The following NKAIN3 variants were observed in gnomAD, a reference collection of about 807,000 sequenced individuals.
NKAIN3 encodes sodium/potassium transporting ATPase interacting 3, also known as sodium/potassium-transporting ATPase subunit beta-1-interacting protein 3.
NKAIN3 carries 25 observed loss-of-function variants against 30.2 expected under a neutral mutation model. The ratio of observed to expected loss-of-function variants is 0.83; its 90% CI spans 0.60 to 1.16. The LOEUF (loss-of-function observed/expected upper bound fraction) is 1.16, where lower values mean the gene tolerates loss of function less well. Among genes scored for constraint, NKAIN3 ranks in the 50% most tolerant of loss-of-function variants. The pLI, the probability that NKAIN3 is intolerant of heterozygous loss-of-function variation, is 0.00. For synonymous variants in NKAIN3, 91 were observed against 89.6 expected (o/e 1.02, Z -0.09); for missense variants, 225 against 254.1 (o/e 0.89, Z 0.78).
downstream of NKAIN3, among the ~76,000 whole-genome samples, chr8:62,988,378 G>C (rs1300806165): frequency 2.6e-5 from 4 of 152,246 alleles, no homozygotes; most frequent in South Asian, 6.2e-4. Context: ...CCCTAGCAGA[G>C]GGTCTCCATG....
At chr8:62,424,031 G>A (rs1173956469) in intron 1 of NKAIN3, among the ~76,000 whole-genome samples, 2 of 151,892 alleles carry the variant, frequency 1.3e-5, no homozygotes, top group African/African-American at 4.8e-5. Context: ...TGAAGCAAAA[G>A]ATTCTTCACC....
chr8:62,685,939 C>T (rs961634937), intron 3 of NKAIN3, among the ~76,000 whole-genome samples: 1 of 152,134 alleles, frequency 6.6e-6, no homozygotes, highest in Non-Finnish European at 1.5e-5. Context: ...ATATCTGTAT[C>T]CATAAAGTTT....
intron 4 of NKAIN3, among the ~76,000 whole-genome samples, chr8:62,778,525 C>T (rs539648982): frequency 1.3e-5 from 2 of 152,212 alleles, no homozygotes; most frequent in South Asian, 4.1e-4. Flanking sequence ...CTGGCTACTG[C>T]CAATGTTCAC....
chr8:62,924,431 A>G (rs571510236), intron 5 of NKAIN3, among the ~76,000 whole-genome samples: 31 of 123,358 alleles, frequency 2.5e-4, no homozygotes, highest in African/African-American at 9.6e-4. Flanking sequence ...CATAAAGGGA[A>G]CCCTACACTA....
rs188087049 is a variant in NKAIN3, at chr8:62,967,792, C to T, written c.*2385C>T. 6.6e-6 allele frequency among the ~76,000 whole-genome samples: 1 copy of T among 152,266 alleles called. No homozygotes were observed. Among genetic ancestry groups the T allele is most frequent in the East Asian group, 1.9e-4 (1 of 5,176 alleles). On this transcript the variant is annotated 3_prime_UTR_variant, in exon 7 of 7. Transcript: ENST00000623646. The stretch of plus-strand genomic sequence containing the variant: ...AAACTGTCACTTAATTACCCCCACA[C>T]ATACACATGCAAATAAAATGTGGTT...
intron 3 of NKAIN3, among the ~76,000 whole-genome samples, chr8:62,717,867 A>G (rs1429351926): frequency 5.9e-5 from 9 of 152,200 alleles, no homozygotes; most frequent in East Asian, 1.9e-4. Context: ...GTCCTTAACC[A>G]TAGGTAAATC....
intron 1 of NKAIN3, among the ~76,000 whole-genome samples, chr8:62,306,850 G>A (rs544210641): frequency 6.7e-6 from 1 of 149,434 alleles, no homozygotes; most frequent in South Asian, 2.1e-4. Flanking sequence ...TTCTGATCTC[G>A]GTGCTCACCA....
At chr8:62,541,176 G>A (rs1172203816) in intron 1 of NKAIN3, among the ~76,000 whole-genome samples, 2 of 151,992 alleles carry the variant, frequency 1.3e-5, no homozygotes, top group Non-Finnish European at 2.9e-5. Context: ...AAATAGCCAG[G>A]TGTGGTGGCA....
chr8:62,840,058 C>A (rs1819485510), intron 4 of NKAIN3, among the ~76,000 whole-genome samples: 1 of 152,090 alleles, frequency 6.6e-6, no homozygotes, highest in African/African-American at 2.4e-5. Flanking sequence ...TACATCCCCT[C>A]CAAAGCACTG....
At chr8:62,422,936 G>C (rs1563392092) in intron 1 of NKAIN3, among the ~76,000 whole-genome samples, 1 of 152,050 alleles carries the variant, frequency 6.6e-6, no homozygotes, top group African/African-American at 2.4e-5. Context: ...CACCAAATAA[G>C]TTTGTCACTT....
rs73256928 is a variant in NKAIN3, at chr8:62,782,738, G to A, written c.471+35609G>A. 9.8e-3 allele frequency among the ~76,000 whole-genome samples: 1,471 copies of A among 149,478 alleles called. 20 individuals are homozygous for A. The highest frequency in any genetic ancestry group is 0.031 in the South Asian group (145 of 4,626). ...CTAAAAATAAATAAATAAATAACTT[G>A]GTCACATGGACACAGAGAATAGAAT... On this transcript the variant is annotated intron_variant, in intron 4 of 6. Transcript: ENST00000623646.
chr8:62,541,531 TC>T (rs1808840710), intron 1 of NKAIN3, among the ~76,000 whole-genome samples: 1 of 152,064 alleles, frequency 6.6e-6, no homozygotes, highest in Non-Finnish European at 1.5e-5. Context: ...AGGAGAAGGG[TC>T]TTTTATCTGA....
At chr8:62,753,062 T>C (rs1404297176) in intron 4 of NKAIN3, among the ~76,000 whole-genome samples, 1 of 152,140 alleles carries the variant, frequency 6.6e-6, no homozygotes, top group Non-Finnish European at 1.5e-5. Flanking sequence ...ACTACCTTAG[T>C]TGCTTTGCTT....
At chr8:62,401,896 AGGT>A (rs1160666039) in intron 1 of NKAIN3, among the ~76,000 whole-genome samples, 6 of 152,208 alleles carry the variant, frequency 3.9e-5, no homozygotes, top group Non-Finnish European at 7.3e-5. Context: ...GTCTCACCCA[AGGT>A]CCACGATAAC....
rs112726036 is a variant in NKAIN3 at position 62,288,996 on chromosome 8, T to C, written c.54+39869T>C. Among the ~76,000 whole-genome samples the C allele has an allele frequency of 9.1e-3, 1,389 of 152,376 alleles. 29 individuals carry two copies. The highest frequency in any genetic ancestry group is 0.031 in the African/African-American group (1,308 of 41,592). Reference sequence around the variant, plus strand: ...TTTGCACTTCTCTGATGGCCAGTGATGATGAGCATTTTTTTATGTATCTGT... The same window carrying C: ...TTTGCACTTCTCTGATGGCCAGTGACGATGAGCATTTTTTTATGTATCTGT... On this transcript the variant is annotated intron_variant, in intron 1 of 6. Transcript: ENST00000623646.
In NKAIN3 at chr8:62,968,989, T is replaced by C. The variant is rs1005296641; in HGVS notation, c.*3582T>C. On this transcript the variant is annotated 3_prime_UTR_variant, in exon 7 of 7. Transcript: ENST00000623646. ...CTCAAACATCTCTTAGGAAAATCTCTAAATGTGTATATCCCCAAGTATCTT... is the reference window on the plus strand; with the variant it reads ...CTCAAACATCTCTTAGGAAAATCTCCAAATGTGTATATCCCCAAGTATCTT... Among the ~76,000 whole-genome samples the C allele has an allele frequency of 3.3e-5, 5 of 152,190 alleles. No homozygotes were observed. Among genetic ancestry groups the C allele is most frequent in the African/African-American group, 9.7e-5 (4 of 41,442 alleles).
intron 1 of NKAIN3, among the ~76,000 whole-genome samples, chr8:62,330,474 T>G (rs1467698668): frequency 6.6e-6 from 1 of 151,840 alleles, no homozygotes; most frequent in South Asian, 2.1e-4. Flanking sequence ...ATCGACAGAT[T>G]TGAGGCTGAA....
Position 62,971,473 on chromosome 8 carries a change from C to T in NKAIN3, c.*6066C>T, listed in dbSNP as rs994927220. On this transcript the variant is annotated 3_prime_UTR_variant, in exon 7 of 7. Coordinates refer to ENST00000623646, the MANE Select transcript of NKAIN3 (RefSeq NM_001304533.3). ...GCAACATGGCAAAACCCCATACCTA[C>T]AAAAAATACAAAAACCAGCTGTGGC... 6.7e-6 allele frequency among the ~76,000 whole-genome samples: 1 copy of T among 149,290 alleles called. No homozygotes were observed. Among genetic ancestry groups the T allele is most frequent in the African/African-American group, 2.5e-5 (1 of 40,000 alleles).
At chr8:62,782,067 C>T (rs1157785782) in intron 4 of NKAIN3, among the ~76,000 whole-genome samples, 3 of 151,600 alleles carry the variant, frequency 2.0e-5, no homozygotes, top group African/African-American at 7.3e-5. Flanking sequence ...CCAGAATATA[C>T]AAGAACTCAA....
Sources: gnomAD v4.1 joint callset for allele counts (sites outside exome capture counted in the v4.1 genomes callset) on GRCh38, gnomAD v4.1.1 for gene constraint, MANE v1.5 for transcripts, NCBI Gene and HGNC (gene_info 2026-07-23, HGNC 2026-07-21) for gene names.